CASQ2: variants seen among roughly 807,000 people sequenced by gnomAD.
CASQ2 encodes the protein calsequestrin-2.
Under a neutral mutation model 46.5 loss-of-function variants are expected in CASQ2, and 49 were observed. That is an observed-to-expected ratio of 1.05 (90% CI 0.84 to 1.34). The LOEUF (loss-of-function observed/expected upper bound fraction) is 1.34, where lower values mean the gene tolerates loss of function less well. CASQ2 is among the 40% of genes most tolerant of loss of function. The pLI is 0.00. For missense variants in CASQ2, 486 were observed against 481.3 expected (o/e 1.01, Z -0.09); for synonymous variants, 174 against 168.5 (o/e 1.03, Z -0.25).
intron 5 of CASQ2, 103 bp downstream of exon 5, chr1:115,732,798 G>A: frequency 3.7e-6 from 3 of 816,706 alleles, no homozygotes; most frequent in Admixed American, 1.8e-5. Flanking sequence ...AGGCAAGGGA[G>A]GATGGTTAAT....
At chr1:115,710,007 A>AT (rs35532778) in intron 8 of CASQ2, among the ~76,000 whole-genome samples, 5,122 of 151,966 alleles carry the variant, frequency 0.034, 122 homozygotes, top group African/African-American at 0.065. Context: ...CATGCAGTTA[A>AT]TTTTTTTATT....
rs1649205930 is a variant in CASQ2, at chr1:115,768,487, C to T, written c.55G>A (p.Ala19Thr). 1.2e-6 allele frequency: 2 copies of T among 1,613,772 alleles called. No homozygotes were observed. Among genetic ancestry groups the T allele is most frequent in the Non-Finnish European group, 1.7e-6 (2 of 1,179,662 alleles). Residue 19 changes from alanine (A) to threonine (T), a missense_variant, in exon 1 of 11, where the codon GCA (alanine) becomes ACA (threonine). By Grantham distance (58) the Ala-to-Thr change is moderately conservative. Coordinates refer to ENST00000261448, the MANE Select transcript of CASQ2 (RefSeq NM_001232.4). ...GTGGGGAAATTAAGCCCCTCTTCTGCCCTGCAAGAGGACAGAAAATAAATC... is the reference window on the plus strand; with the variant it reads ...GTGGGGAAATTAAGCCCCTCTTCTGTCCTGCAAGAGGACAGAAAATAAATC... Reference protein sequence around the residue: ...VGIYFLSSCRAEEGLNFPTYD... With the variant: ...VGIYFLSSCRTEEGLNFPTYD...
intron 7 of CASQ2, among the ~76,000 whole-genome samples, chr1:115,723,092 C>G (rs138365075): frequency 6.1e-4 from 93 of 152,000 alleles, no homozygotes; most frequent in African/African-American, 2.2e-3. Flanking sequence ...GAAACATAGG[C>G]AAATGTAAGT....
Position 115,756,661 on chromosome 1 carries a change from TG to T in CASQ2, c.234+11646del, listed in dbSNP as rs1163716542. Among the ~76,000 whole-genome samples, 8 of 152,134 alleles carry T rather than the reference TG, an allele frequency of 5.3e-5. 1 individual carries two copies. The highest frequency in any genetic ancestry group is 5.2e-4 in the Admixed American group (8 of 15,268). ...GTCCCCGTTTTAAAATTTATAACTTTGGGGGCTGGGCATGGTGGCGTGTGCC... is the reference window on the plus strand; with the variant it reads ...GTCCCCGTTTTAAAATTTATAACTTTGGGGCTGGGCATGGTGGCGTGTGCC... On this transcript the variant is annotated intron_variant, in intron 1 of 10. Transcript: ENST00000261448.
intron 10 of CASQ2, 44 bp from the exon 11 acceptor site, chr1:115,701,470 G>T: frequency 7.8e-7 from 1 of 1,288,392 alleles, no homozygotes; most frequent in Non-Finnish European, 1.1e-6. Flanking sequence ...ATGCATGAGG[G>T]CTGAACCAGA....
At chr1:115,730,476 A>T (rs1413878411) in intron 5 of CASQ2, among the ~76,000 whole-genome samples, 2 of 152,224 alleles carry the variant, frequency 1.3e-5, no homozygotes, top group Non-Finnish European at 2.9e-5. Flanking sequence ...TGGCACATAA[A>T]GGGCACTCAA....
At chr1:115,713,739 T>A (rs1654617614) in intron 8 of CASQ2, among the ~76,000 whole-genome samples, 1 of 152,130 alleles carries the variant, frequency 6.6e-6, no homozygotes, top group Admixed American at 6.5e-5. Flanking sequence ...CCTGCTCGTG[T>A]CCCCTTCCCC....
chr1:115,701,065 G>T lies in CASQ2; in HGVS notation c.*176C>A. 1.1e-6 allele frequency: 1 copy of T among 915,968 alleles called. No homozygotes were observed. Among genetic ancestry groups the T allele is most frequent in the Non-Finnish European group, 1.8e-6 (1 of 564,790 alleles). The allele number at this position is 915,968 out of a possible 1,614,324, so 56.7% of individuals were successfully genotyped here. ...CCTGCTAAGTGGGATTGCTGCATTT[G>T]AAAAGGCATTTGCTGAATGATGCTG... On this transcript the variant is annotated 3_prime_UTR_variant, in exon 11 of 11. Transcript: ENST00000261448.
chr1:115,760,700 G>A (rs888920270), intron 1 of CASQ2, among the ~76,000 whole-genome samples: 20 of 152,174 alleles, frequency 1.3e-4, no homozygotes, highest in Admixed American at 1.2e-3. Context: ...CAGCACCTGT[G>A]GGGATAAGAC....
chr1:115,764,103 A>G (rs1649047886), intron 1 of CASQ2, among the ~76,000 whole-genome samples: 1 of 152,246 alleles, frequency 6.6e-6, no homozygotes. Flanking sequence ...AATTTATGAA[A>G]GAAAAAATAC....
intron 1 of CASQ2, among the ~76,000 whole-genome samples, chr1:115,751,703 G>A (rs905465923): frequency 1.3e-5 from 2 of 152,034 alleles, no homozygotes; most frequent in African/African-American, 2.4e-5. Flanking sequence ...AGGTGCTACA[G>A]GAGTAGGACA....
At chr1:115,713,152 A>AT (rs1456683630) in intron 8 of CASQ2, among the ~76,000 whole-genome samples, 3 of 152,194 alleles carry the variant, frequency 2.0e-5, no homozygotes, top group African/African-American at 7.2e-5. Context: ...GCATGCACTC[A>AT]TGTAGAAACG....
In CASQ2 at chr1:115,701,193, G is replaced by T; in HGVS notation, c.*48C>A. On this transcript the variant is annotated 3_prime_UTR_variant, in exon 11 of 11. Transcript: ENST00000261448. ...GCTGCCACCTTGTGCTGTCTGTATG[G>T]TAGTGGGTGCTGTGATTTTGTTTTC... 6.2e-7 allele frequency: 1 copy of T among 1,612,904 alleles called. No individual in the cohort carries two copies. The highest frequency in any genetic ancestry group is 8.5e-7 in the Non-Finnish European group (1 of 1,179,996).
chr1:115,753,905 T>C (rs545549210), intron 1 of CASQ2, among the ~76,000 whole-genome samples: 15 of 150,272 alleles, frequency 1.0e-4, no homozygotes, highest in Admixed American at 8.6e-4. Context: ...AAAAAAAAAG[T>C]TGAGCCTCGG....
chr1:115,745,289 C>G (rs984302136), intron 1 of CASQ2, among the ~76,000 whole-genome samples: 2 of 152,134 alleles, frequency 1.3e-5, no homozygotes, highest in African/African-American at 4.8e-5. Context: ...GCCAAATGTA[C>G]CTGGGGCAGA....
At chr1:115,719,251 G>C (rs1433994263) in intron 7 of CASQ2, among the ~76,000 whole-genome samples, 2 of 136,896 alleles carry the variant, frequency 1.5e-5, no homozygotes, top group Non-Finnish European at 3.1e-5. Flanking sequence ...GTGTGTGCCT[G>C]TGTGTGCCGG....
chr1:115,720,876 C>CA (rs1335939653), intron 7 of CASQ2, among the ~76,000 whole-genome samples: 2 of 151,792 alleles, frequency 1.3e-5, no homozygotes, highest in African/African-American at 4.8e-5. Context: ...CCTATAGACT[C>CA]AAAAAAGGAG....
At chr1:115,715,656 A>T (rs951171801) in intron 8 of CASQ2, among the ~76,000 whole-genome samples, 1 of 152,218 alleles carries the variant, frequency 6.6e-6, no homozygotes, top group Non-Finnish European at 1.5e-5. Context: ...AACCACTGGA[A>T]TCTTCACTTT....
chr1:115,712,841 G>C (rs994022580), intron 8 of CASQ2, among the ~76,000 whole-genome samples: 1 of 133,050 alleles, frequency 7.5e-6, no homozygotes, highest in African/African-American at 3.0e-5. Context: ...GAGCAATAGA[G>C]GGAGACTGCC....
Sources: allele counts gnomAD v4.1 joint callset (sites outside exome capture counted in the v4.1 genomes callset), GRCh38; gene constraint gnomAD v4.1.1; transcripts MANE v1.5; gene names NCBI Gene and HGNC (gene_info 2026-07-23, HGNC 2026-07-21).